SPRY3: variants seen among roughly 807,000 people sequenced by gnomAD.
The protein encoded by SPRY3 is protein sprouty homolog 3.
A neutral mutation model predicts 20.2 loss-of-function variants in SPRY3; 15 were observed. The observed-to-expected ratio is 0.74, with a 90% confidence interval of 0.50 to 1.14. SPRY3 has a LOEUF of 1.14. SPRY3 is among the 50% of genes most tolerant of loss of function. The probability of loss-of-function intolerance (pLI) is 0.00; values close to 1 mark genes in which losing one functional copy is unlikely to be tolerated. For missense variants in SPRY3, 364 were observed against 363.9 expected (o/e 1.00, Z 0.00); for synonymous variants, 143 against 136.5 (o/e 1.05, Z -0.33).
At chrX:155,613,038 C>G (rs1052398450) in intron 1 of SPRY3, 1 of 112,239 alleles carries the variant, frequency 8.9e-6, no homozygotes, top group East Asian at 2.8e-4. Context: ...CGTCAGTCTC[C>G]CATTCGGAAG....
intron 2 of SPRY3, among the ~76,000 whole-genome samples, chrX:155,718,561 T>C (rs1384017778): frequency 6.6e-6 from 1 of 152,002 alleles, no homozygotes; most frequent in Non-Finnish European, 1.5e-5. Flanking sequence ...GACAAAAGGG[T>C]GTTTGAACAA....
intron 2 of SPRY3, among the ~76,000 whole-genome samples, chrX:155,671,293 A>ATCTC (rs782580977): frequency 9.1e-6 from 1 of 109,387 alleles, no homozygotes; most frequent in Non-Finnish European, 1.9e-5. Flanking sequence ...CATTTTTTTA[A>ATCTC]TCTCTCTCTC....
chrX:155,674,426 C>A (rs2068053311), intron 2 of SPRY3, among the ~76,000 whole-genome samples: 1 of 110,681 alleles, frequency 9.0e-6, no homozygotes, highest in African/African-American at 3.3e-5. Context: ...CTTAATACTT[C>A]CAGTGTTGGG....
intron 2 of SPRY3, among the ~76,000 whole-genome samples, chrX:155,694,531 A>G (rs952010849): frequency 4.5e-5 from 5 of 111,451 alleles, no homozygotes; most frequent in Non-Finnish European, 7.5e-5. Flanking sequence ...GTGAGGGACA[A>G]TGGTCTTGGG....
At position 155,683,114 on chromosome X, in the gene SPRY3, C is replaced by T. The variant is rs191785386; in HGVS notation, c.-282+26089C>T. On this transcript the variant is annotated intron_variant, in intron 2 of 3. Coordinates refer to ENST00000675360, the Ensembl canonical transcript of SPRY3. ...GTGGTTTCTTGAGATGGAATCTACT[C>T]CTGGTAAGGATGCTATGAACATTGT... Among the ~76,000 whole-genome samples the T allele has an allele frequency of 4.0e-3, 453 of 112,061 alleles. 2 individuals carry two copies. The highest frequency in any genetic ancestry group is 6.3e-3 in the Non-Finnish European group (333 of 53,178).
chrX:155,624,185 T>C (rs782495067), intron 1 of SPRY3, among the ~76,000 whole-genome samples: 202 of 112,080 alleles, frequency 1.8e-3, no homozygotes, highest in Non-Finnish European at 3.0e-3. Flanking sequence ...TGGTTTATTT[T>C]TGGCATTTGC....
At chrX:155,666,087 C>T (rs1234225297) in intron 2 of SPRY3, among the ~76,000 whole-genome samples, 2 of 110,219 alleles carry the variant, frequency 1.8e-5, no homozygotes, top group Non-Finnish European at 3.8e-5. Flanking sequence ...TGGGGTACAC[C>T]ATTTCCAGCT....
chrX:155,651,575 G>C (rs782604865), intron 1 of SPRY3, among the ~76,000 whole-genome samples: 12 of 111,899 alleles, frequency 1.1e-4, no homozygotes, highest in Non-Finnish European at 1.7e-4. Context: ...ACTAGTCCTA[G>C]ATTTACAAAT....
intron 1 of SPRY3, among the ~76,000 whole-genome samples, chrX:155,645,316 T>C (rs1206355630): frequency 8.9e-6 from 1 of 112,279 alleles, no homozygotes; most frequent in Non-Finnish European, 1.9e-5. Context: ...CTGCCGCAGC[T>C]GGTATCTCAC....
chrX:155,709,822 T>C (rs892783160), intron 2 of SPRY3, among the ~76,000 whole-genome samples: 4 of 151,816 alleles, frequency 2.6e-5, no homozygotes, highest in Non-Finnish European at 5.9e-5. Flanking sequence ...TTTAATCCAT[T>C]TGGATTTGGT....
chrX:155,780,949 C>T (rs761147449), downstream of SPRY3: 1 of 165,372 alleles, frequency 6.0e-6, no homozygotes, highest in East Asian at 2.0e-4. Flanking sequence ...CATTTACTAA[C>T]TACTTGGTTC....
intron 1 of SPRY3, among the ~76,000 whole-genome samples, chrX:155,630,450 A>C (rs1173095977): frequency 1.8e-5 from 2 of 111,550 alleles, no homozygotes; most frequent in Non-Finnish European, 3.8e-5. Context: ...TTGTCTGAGA[A>C]AGTCTTTATA....
At chrX:155,753,457 G>T (rs2091272030) in intron 2 of SPRY3, among the ~76,000 whole-genome samples, 1 of 151,804 alleles carries the variant, frequency 6.6e-6, no homozygotes, top group Non-Finnish European at 1.5e-5. Flanking sequence ...ATATTCCATT[G>T]TATGGATAGG....
At chrX:155,706,729 G>A (rs757518878) in intron 2 of SPRY3, among the ~76,000 whole-genome samples, 23 of 150,972 alleles carry the variant, frequency 1.5e-4, no homozygotes, top group African/African-American at 5.6e-4. Flanking sequence ...TTCACAAATG[G>A]AACAATTTAG....
chrX:155,654,225 G>C (rs189209497), intron 1 of SPRY3, among the ~76,000 whole-genome samples: 2 of 111,659 alleles, frequency 1.8e-5, no homozygotes, highest in African/African-American at 6.5e-5. Context: ...ATCTTTTTTT[G>C]AATTGGTGCA....
intron 2 of SPRY3, among the ~76,000 whole-genome samples, chrX:155,712,319 G>T (rs1299305381): frequency 6.6e-6 from 1 of 151,862 alleles, no homozygotes; most frequent in Non-Finnish European, 1.5e-5. Flanking sequence ...TTGTATTGGG[G>T]TCTATCTCTC....
At chrX:155,773,725 C>A in intron 3 of SPRY3, 41 bp from the exon 3 acceptor site, 2 of 902,270 alleles carry the variant, frequency 2.2e-6, no homozygotes, top group Non-Finnish European at 3.5e-6. Context: ...GTACTTATGC[C>A]TGTGTGTTCT....
intron 2 of SPRY3, among the ~76,000 whole-genome samples, chrX:155,747,381 C>T (rs2091232942): frequency 2.6e-5 from 4 of 151,844 alleles, no homozygotes; most frequent in Admixed American, 1.3e-4. Flanking sequence ...TTCCTTTGAG[C>T]AAAGCTTCAT....
chrX:155,748,272 T>C (rs1364819914), intron 2 of SPRY3, among the ~76,000 whole-genome samples: 1 of 151,874 alleles, frequency 6.6e-6, no homozygotes, highest in Non-Finnish European at 1.5e-5. Flanking sequence ...ACAATTGCCA[T>C]TTATAAACCA....
Sources: allele counts gnomAD v4.1 joint callset (sites outside exome capture counted in the v4.1 genomes callset), GRCh38; gene constraint gnomAD v4.1.1; transcripts MANE v1.5; gene names NCBI Gene and HGNC (gene_info 2026-07-23, HGNC 2026-07-21).